The following SPATA16 variants were observed in gnomAD, a reference collection of about 807,000 sequenced individuals.
SPATA16 encodes the protein spermatogenesis associated 16.
A neutral mutation model predicts 63.3 loss-of-function variants in SPATA16; 36 were observed. The observed-to-expected ratio is 0.57, with a 90% CI of 0.44 to 0.75. The LOEUF is 0.75. SPATA16 is among the 30% of genes least tolerant of loss of function. The probability of loss-of-function intolerance (pLI) is 0.00; values close to 1 mark genes in which losing one functional copy is unlikely to be tolerated. For missense variants in SPATA16, 646 were observed against 679.3 expected, an observed-to-expected ratio of 0.95 and a Z score of 0.54; for synonymous variants, 203 against 216.7, an observed-to-expected ratio of 0.94 and a Z score of 0.56.
Position 172,956,558 on chromosome 3 carries a change from C to G in SPATA16, c.1081+119G>C, listed in dbSNP as rs934360253. 3.7e-6 allele frequency: 4 copies of G among 1,079,884 alleles called. No individual in the cohort carries two copies. The African/African-American group carries it at 6.4e-5, about 17-fold the overall frequency. The allele number at this position is 1,079,884 out of a possible 1,614,324, so 66.9% of individuals were successfully genotyped here. A position where few individuals can be genotyped will look rare whatever the true frequency, so the allele number is the denominator to read the frequency against. On this transcript the variant is annotated intron_variant, in intron 6 of 10. Transcript: ENST00000351008. ...AAAATTTCTTTCCGTTTCAAGTCAT[C>G]AGATGAAAACAGTGTACTCCTAAAA...
At chr3:172,969,953 G>T (rs750803507) in intron 5 of SPATA16, among the ~76,000 whole-genome samples, 1 of 152,178 alleles carries the variant, frequency 6.6e-6, no homozygotes, top group Admixed American at 6.5e-5. Flanking sequence ...CGAAAGATCC[G>T]TGAAATACAC....
At chr3:173,072,090 T>C (rs1203590991) in intron 2 of SPATA16, among the ~76,000 whole-genome samples, 2 of 152,112 alleles carry the variant, frequency 1.3e-5, no homozygotes, top group South Asian at 4.1e-4. Context: ...AATGAATCAT[T>C]CTACAGAAAA....
chr3:173,099,498 G>A (rs1737440638), intron 2 of SPATA16, among the ~76,000 whole-genome samples: 4 of 152,044 alleles, frequency 2.6e-5, no homozygotes, highest in Admixed American at 1.3e-4. Flanking sequence ...ATCTCCTGAG[G>A]ATAAAGGTAG....
chr3:172,932,092 A>C (rs1226426692), intron 6 of SPATA16, among the ~76,000 whole-genome samples: 3 of 152,214 alleles, frequency 2.0e-5, no homozygotes, highest in Admixed American at 2.0e-4. Flanking sequence ...TTTGTTATGT[A>C]GTTAAATATC....
intron 5 of SPATA16, among the ~76,000 whole-genome samples, chr3:172,960,887 C>CTTTCTTTCTT (rs1177756966): frequency 3.2e-5 from 2 of 62,396 alleles, no homozygotes; most frequent in African/African-American, 1.6e-4. Flanking sequence ...CTTTCTTTCT[C>CTTTCTTTCTT]TCTCTCCTTC....
intron 2 of SPATA16, among the ~76,000 whole-genome samples, chr3:173,093,373 A>C (rs904163239): frequency 1.3e-5 from 2 of 152,112 alleles, no homozygotes; most frequent in Admixed American, 6.6e-5. Flanking sequence ...GTCACAGTAC[A>C]TTGTTCTTCC....
intron 3 of SPATA16, among the ~76,000 whole-genome samples, chr3:173,019,808 G>A (rs944632343): frequency 6.6e-6 from 1 of 152,050 alleles, no homozygotes; most frequent in African/African-American, 2.4e-5. Flanking sequence ...TATGGGACTG[G>A]ATATTTTTAC....
chr3:172,905,117 C>T (rs906311916), intron 10 of SPATA16, among the ~76,000 whole-genome samples: 3 of 152,116 alleles, frequency 2.0e-5, no homozygotes, highest in Admixed American at 6.5e-5. Context: ...ACGCCTTGGA[C>T]AGAACTGCTT....
At chr3:172,960,904 T>TCCTC (rs200942714) in intron 5 of SPATA16, among the ~76,000 whole-genome samples, 10,508 of 148,160 alleles carry the variant, frequency 0.071, 1,396 homozygotes, top group African/African-American at 0.26. Flanking sequence ...CTTCCTTCCT[T>TCCTC]CCTCCCTCCC....
At chr3:173,059,260 G>T (rs1425223177) in intron 2 of SPATA16, among the ~76,000 whole-genome samples, 1 of 149,906 alleles carries the variant, frequency 6.7e-6, no homozygotes, top group African/African-American at 2.4e-5. Flanking sequence ...CATTAGTTTT[G>T]GCTTTTATCT....
At chr3:172,940,104 A>G (rs1383568012) in intron 6 of SPATA16, among the ~76,000 whole-genome samples, 6 of 152,166 alleles carry the variant, frequency 3.9e-5, no homozygotes, top group African/African-American at 1.4e-4. Context: ...TCTCACCCCT[A>G]CTATCTTGCT....
intron 1 of SPATA16, among the ~76,000 whole-genome samples, chr3:173,139,200 A>G (rs1031468101): frequency 6.6e-6 from 1 of 152,174 alleles, no homozygotes; most frequent in Non-Finnish European, 1.5e-5. Context: ...CATTTTTGTT[A>G]TTGCTGTTAT....
intron 2 of SPATA16, among the ~76,000 whole-genome samples, chr3:173,077,380 G>C (rs1736832657): frequency 6.6e-6 from 1 of 152,076 alleles, no homozygotes. Flanking sequence ...AGGTATAAAA[G>C]CAATAATAAA....
intron 3 of SPATA16, among the ~76,000 whole-genome samples, chr3:173,020,995 T>A (rs1735318922): frequency 6.6e-6 from 1 of 152,164 alleles, no homozygotes; most frequent in Admixed American, 6.5e-5. Context: ...ATGCACATAA[T>A]CATAATTGCA....
At chr3:172,987,644 G>T (rs1470010846) in intron 4 of SPATA16, among the ~76,000 whole-genome samples, 1 of 152,180 alleles carries the variant, frequency 6.6e-6, no homozygotes, top group East Asian at 1.9e-4. Context: ...GGGGACAAAA[G>T]CTAGAGGAGA....
In SPATA16 at chr3:173,017,600, C is replaced by T. The variant is rs553229925; in HGVS notation, c.848+1886G>A. On this transcript the variant is annotated intron_variant, in intron 4 of 10. Transcript: ENST00000351008. ...AACAGTGTAGCTTCTCCCAGCATTG[C>T]TAATTTCTCCTACAGTTTAGCAACT... is the stretch of plus-strand genomic sequence containing the variant. Among the ~76,000 whole-genome samples, 3 of 152,258 alleles carry T rather than the reference C, an allele frequency of 2.0e-5. No individual in the cohort carries two copies. In the East Asian group the frequency reaches 5.8e-4, roughly 29 times the overall value.
At chr3:172,892,326 C>G (rs1731909354) in intron 10 of SPATA16, among the ~76,000 whole-genome samples, 1 of 152,114 alleles carries the variant, frequency 6.6e-6, no homozygotes, top group South Asian at 2.1e-4. Context: ...AATTACTTGG[C>G]CTTTCTGAAC....
chr3:172,978,850 T>C (rs1734228321), intron 4 of SPATA16, among the ~76,000 whole-genome samples: 1 of 152,180 alleles, frequency 6.6e-6, no homozygotes, highest in Admixed American at 6.5e-5. Context: ...TAAGATTTTA[T>C]TTACAAAAAA....
rs1185263699 is a variant in SPATA16, at chr3:173,137,822, AACACACACACACACAC to A, written c.-19+3265_-19+3280del. On this transcript the variant is annotated intron_variant, in intron 1 of 10. Transcript: ENST00000351008. ...TCTGAGGGGGATCCCATGGACTCTC[AACACACACACACACAC>A]ACACACACACACACACACACACACA... Among the ~76,000 whole-genome samples, 572 of 122,288 alleles carry A rather than the reference AACACACACACACACAC, an allele frequency of 4.7e-3. 4 individuals carry two copies. The highest frequency in any genetic ancestry group is 0.016 in the African/African-American group (518 of 33,414). The allele number at this position is 122,288 out of a possible 152,430, so 80.2% of individuals were successfully genotyped here.
Sources: allele counts gnomAD v4.1 joint callset (sites outside exome capture counted in the v4.1 genomes callset), GRCh38; gene constraint gnomAD v4.1.1; transcripts MANE v1.5; gene names NCBI Gene and HGNC (gene_info 2026-07-23, HGNC 2026-07-21).